Variants in FOXN3 observed in about 807,000 individuals in gnomAD.
FOXN3 encodes the protein forkhead box protein N3.
FOXN3 carries 7 observed loss-of-function variants against 38.4 expected under a neutral mutation model. The ratio of observed to expected loss-of-function variants is 0.18; its 90% CI spans 0.10 to 0.34. The LOEUF (loss-of-function observed/expected upper bound fraction) is 0.34. Among genes scored for constraint, FOXN3 ranks in the 10% least tolerant of loss-of-function variants. FOXN3 has a pLI of 1.00. For synonymous variants in FOXN3, 230 were observed against 242.2 expected (o/e 0.95, Z 0.47); for missense variants, 456 against 613.4 (o/e 0.74, Z 2.71).
At chr14:89,393,463 C>T (rs1891014326) in intron 2 of FOXN3, among the ~76,000 whole-genome samples, 1 of 152,226 alleles carries the variant, frequency 6.6e-6, no homozygotes, top group Non-Finnish European at 1.5e-5. Flanking sequence ...AGCCACAGGA[C>T]TGTGGGAATA....
intron 3 of FOXN3, among the ~76,000 whole-genome samples, chr14:89,333,700 CGA>C (rs1888329837): frequency 7.4e-6 from 1 of 135,880 alleles, no homozygotes; most frequent in South Asian, 2.3e-4. Context: ...TGCAGTGAGC[CGA>C]GATGGCGCCA....
At position 89,427,228 on chromosome 14, in the gene FOXN3, C is replaced by CAAAA. The variant is rs1377599085; in HGVS notation, c.-14-14742_-14-14739dup. ...TGGTCGACAGAGTGAGCCTCTGTCT[C>CAAAA]AAAAAAAAAAAAAGAAAAGAGAAGA... On this transcript the variant is annotated intron_variant, in intron 1 of 6. Transcript: ENST00000345097. Among the ~76,000 whole-genome samples the CAAAA allele has an allele frequency of 7.5e-3, 331 of 44,412 alleles. 1 individual carries two copies. The highest frequency in any genetic ancestry group is 0.011 in the Non-Finnish European group (271 of 23,708). The allele number at this position is 44,412 out of a possible 152,430, so 29.1% of individuals were successfully genotyped here.
chr14:89,258,686 A>C (rs1373560538), intron 4 of FOXN3, among the ~76,000 whole-genome samples: 1 of 152,240 alleles, frequency 6.6e-6, no homozygotes, highest in Non-Finnish European at 1.5e-5. Context: ...AATTAAAGAT[A>C]TATTCAATGC....
At chr14:89,431,614 T>G (rs562834303) in intron 1 of FOXN3, among the ~76,000 whole-genome samples, 1 of 152,356 alleles carries the variant, frequency 6.6e-6, no homozygotes, top group Admixed American at 6.5e-5. Flanking sequence ...TTATTTTGTT[T>G]CGATATGTTT....
chr14:89,194,004 T>TA (rs1445567002), intron 4 of FOXN3, among the ~76,000 whole-genome samples: 1 of 152,242 alleles, frequency 6.6e-6, no homozygotes, highest in Non-Finnish European at 1.5e-5. Context: ...AAAAGTCTGT[T>TA]AAAGTCTTTT....
chr14:89,291,190 C>T, intron 3 of FOXN3: 1 of 456,892 alleles, frequency 2.2e-6, no homozygotes, highest in Non-Finnish European at 4.3e-6. Context: ...CAGCCAAGGG[C>T]AGGGAGGCTT....
At chr14:89,273,829 C>A (rs564260430) in intron 4 of FOXN3, among the ~76,000 whole-genome samples, 2 of 152,252 alleles carry the variant, frequency 1.3e-5, no homozygotes, top group South Asian at 2.1e-4. Flanking sequence ...ACAAATGATG[C>A]CAAGAATAAA....
At chr14:89,415,590 A>G (rs1891671503) in intron 1 of FOXN3, among the ~76,000 whole-genome samples, 1 of 147,124 alleles carries the variant, frequency 6.8e-6, no homozygotes, top group Non-Finnish European at 1.5e-5. Context: ...AAAACAAAAC[A>G]AAACAACAAT....
intron 4 of FOXN3, among the ~76,000 whole-genome samples, chr14:89,233,212 C>T (rs1389186097): frequency 1.3e-5 from 2 of 152,200 alleles, no homozygotes; most frequent in African/African-American, 4.8e-5. Flanking sequence ...TGAACCTACC[C>T]GGCATCCCAC....
At chr14:89,405,339 G>C (rs929988950) in intron 2 of FOXN3, among the ~76,000 whole-genome samples, 1 of 152,100 alleles carries the variant, frequency 6.6e-6, no homozygotes, top group Non-Finnish European at 1.5e-5. Flanking sequence ...GTTTCACCAT[G>C]ATGGCCAGGC....
chr14:89,288,654 GTAATAGGCACTCTCTTTCTCTCTCTCTCT>G lies in FOXN3; in HGVS notation c.681-7669_681-7641del, dbSNP rs1886719943. 1.7e-3 allele frequency among the ~76,000 whole-genome samples: 114 copies of G among 68,218 alleles called. 10 individuals carry two copies. The highest frequency in any genetic ancestry group is 0.027 in the Middle Eastern group (2 of 74). The allele number at this position is 68,218 out of a possible 152,430, so 44.8% of individuals were successfully genotyped here. On this transcript the variant is annotated intron_variant, in intron 3 of 5. Transcript: ENST00000557258. ...ATGGAAACGACATACTCCAAAGGCTGTAATAGGCACTCTCTTTCTCTCTCTCTCTCTCTCTCTCTCTCTCTCTCTCTCTC... is the reference window on the plus strand; with the variant it reads ...ATGGAAACGACATACTCCAAAGGCTGCTCTCTCTCTCTCTCTCTCTCTCTC...
chr14:89,581,566 T>A (rs1243562112), intron 1 of FOXN3, among the ~76,000 whole-genome samples: 1 of 152,086 alleles, frequency 6.6e-6, no homozygotes, highest in Admixed American at 6.5e-5. Context: ...ATACGTGTCA[T>A]CCGACTATTC....
In FOXN3 at chr14:89,497,467, C is replaced by T. The variant is rs1232366503; in HGVS notation, c.-14-84977G>A. On this transcript the variant is annotated intron_variant, in intron 1 of 6. Coordinates refer to the FOXN3 transcript ENST00000345097. ...TGTTGCCCAGGCTGGAGTGCAATGG[C>T]GCGATCTCGGCTCACTACAACCTCT... Among the ~76,000 whole-genome samples, 9 of 142,450 alleles carry T rather than the reference C, an allele frequency of 6.3e-5. No individual in the cohort carries two copies. In the South Asian group the frequency reaches 1.3e-3, roughly 21 times the overall value. 93.5% of individuals were successfully genotyped at this position (142,450 alleles called of 152,430 possible). A position where few individuals can be genotyped will look rare whatever the true frequency, so the allele number is the denominator to read the frequency against.
intron 1 of FOXN3, among the ~76,000 whole-genome samples, chr14:89,611,898 G>A (rs1165323530): frequency 2.0e-5 from 3 of 151,668 alleles, no homozygotes; most frequent in African/African-American, 7.3e-5. Flanking sequence ...AGAATGTGAA[G>A]AAGCAAAATC....
intron 5 of FOXN3, among the ~76,000 whole-genome samples, chr14:89,180,059 G>T (rs751896251): frequency 5.3e-5 from 8 of 152,210 alleles, no homozygotes; most frequent in Non-Finnish European, 1.0e-4. Context: ...ATGGGAGGAG[G>T]CTCCGCCAAT....
intron 1 of FOXN3, chr14:89,577,582 G>T (rs1895660724): frequency 6.6e-6 from 1 of 152,004 alleles, no homozygotes; most frequent in Admixed American, 6.6e-5. Flanking sequence ...GCAATCACGG[G>T]GAATTTCTAA....
chr14:89,299,068 C>T lies in FOXN3; in HGVS notation c.681-18054G>A, dbSNP rs973525282. On this transcript the variant is annotated intron_variant, in intron 3 of 5. Transcript: ENST00000557258. ...AAAACTATAGATCCTCCAAAGGTGA[C>T]ATCCACCTTCTGGGTGCTCACACCC... Among the ~76,000 whole-genome samples, 53 of 148,924 alleles carry T rather than the reference C, an allele frequency of 3.6e-4. 1 individual carries two copies. The Middle Eastern group carries it at 0.014, about 39-fold the overall frequency.
At chr14:89,266,446 G>A (rs1019843940) in intron 4 of FOXN3, among the ~76,000 whole-genome samples, 13 of 152,086 alleles carry the variant, frequency 8.5e-5, no homozygotes, top group African/African-American at 2.4e-4. Flanking sequence ...CATGCGGGGC[G>A]GTGGTGGTGA....
At chr14:89,566,632 A>G (rs1895357324) in intron 1 of FOXN3, among the ~76,000 whole-genome samples, 3 of 152,338 alleles carry the variant, frequency 2.0e-5, no homozygotes, top group South Asian at 2.1e-4. Flanking sequence ...AGTGAAAATT[A>G]TGTTCATTGT....
Sources: gnomAD v4.1 joint callset for allele counts (sites outside exome capture counted in the v4.1 genomes callset) on GRCh38, gnomAD v4.1.1 for gene constraint, MANE v1.5 for transcripts, NCBI Gene and HGNC (gene_info 2026-07-23, HGNC 2026-07-21) for gene names.